RBM6: variants seen among roughly 807,000 people sequenced by gnomAD.
RBM6 encodes the protein RNA binding motif protein 6.
In RBM6, 23 loss-of-function variants were observed where a neutral mutation model predicts 140.4. The observed-to-expected ratio is 0.16, with a 90% CI of 0.12 to 0.23. RBM6 has a LOEUF of 0.23. Among genes scored for constraint, RBM6 ranks in the 10% least tolerant of loss-of-function variants. RBM6 has a pLI of 1.00. For missense variants in RBM6, 1,139 were observed against 1,386.7 expected, an observed-to-expected ratio of 0.82 and a Z score of 2.84; for synonymous variants, 439 against 475.6, an observed-to-expected ratio of 0.92 and a Z score of 1.00.
chr3:50,025,396 C>G (rs968680376), intron 6 of RBM6, among the ~76,000 whole-genome samples: 1 of 151,560 alleles, frequency 6.6e-6, no homozygotes, highest in African/African-American at 2.4e-5. Flanking sequence ...GCACTCCAGC[C>G]TGGGTGACAG....
At chr3:49,998,317 T>C (rs1404834918) in intron 5 of RBM6, among the ~76,000 whole-genome samples, 1 of 152,218 alleles carries the variant, frequency 6.6e-6, no homozygotes, top group Admixed American at 6.5e-5. Context: ...TACTTTGTGG[T>C]CAAAATTATC....
At chr3:50,072,939 T>C (rs1290537172) in intron 19 of RBM6, among the ~76,000 whole-genome samples, 1 of 152,174 alleles carries the variant, frequency 6.6e-6, no homozygotes. Flanking sequence ...CCTTTTCTGC[T>C]CCTCTTCCTT....
At chr3:50,046,925 G>A (rs949351990) in intron 6 of RBM6, among the ~76,000 whole-genome samples, 14 of 152,190 alleles carry the variant, frequency 9.2e-5, no homozygotes, top group African/African-American at 3.1e-4. Flanking sequence ...TTATTTCATC[G>A]GATCATTTAG....
At chr3:49,992,382 A>G (rs963484911) in intron 5 of RBM6, among the ~76,000 whole-genome samples, 5 of 152,248 alleles carry the variant, frequency 3.3e-5, no homozygotes, top group Admixed American at 3.3e-4. Context: ...CTATGGAGGC[A>G]GCAGATATGT....
At chr3:49,999,609 A>G in intron 6 of RBM6, 96 bp downstream of exon 6, 1 of 1,069,904 alleles carries the variant, frequency 9.3e-7, no homozygotes, top group Non-Finnish European at 1.5e-6. Flanking sequence ...GAAAGGTACA[A>G]GAAGTCTATC....
At position 49,968,116 on chromosome 3, in the gene RBM6, A is replaced by G. The variant is rs764950182; in HGVS notation, c.691A>G (p.Thr231Ala). Residue 231 changes from threonine (T) to alanine (A), a missense_variant, in exon 3 of 21, where the codon ACA (threonine) becomes GCA (alanine). Thr to Ala is a moderately conservative substitution (Grantham distance 58, BLOSUM62 0). This residue lies in a region of RBM6 where 566 missense variants were observed against 612.7 expected (regional missense o/e 0.92). Transcript: ENST00000266022. Reference protein sequence around the residue: ...SDLDFRDKDGTQVDFRGRGSG... With the variant: ...SDLDFRDKDGAQVDFRGRGSG... ...TTTGGACTTTAGAGACAAAGACGGA[A>G]CACAAGTAGACTTTAGAGGCCGAGG... The G allele has an allele frequency of 6.2e-7, 1 of 1,614,178 alleles. No homozygotes were observed. The highest frequency in any genetic ancestry group is 8.5e-7 in the Non-Finnish European group (1 of 1,180,036).
At chr3:50,064,616 GTTC>G (rs1287544639) in intron 15 of RBM6, among the ~76,000 whole-genome samples, 4 of 151,878 alleles carry the variant, frequency 2.6e-5, no homozygotes, top group Admixed American at 2.6e-4. Context: ...GGTTCCAGCA[GTTC>G]TTCTACCTCA....
intron 20 of RBM6, 104 bp from the exon 21 acceptor site, chr3:50,076,904 C>A (rs1358184966): frequency 8.4e-7 from 1 of 1,190,070 alleles, no homozygotes; most frequent in Non-Finnish European, 1.1e-6. Flanking sequence ...AAAAATTATC[C>A]TATATACTGC....
chr3:49,989,555 A>G (rs2085721421), intron 5 of RBM6, among the ~76,000 whole-genome samples: 2 of 152,202 alleles, frequency 1.3e-5, no homozygotes, highest in South Asian at 2.1e-4. Context: ...TGGGGCCACA[A>G]GAGTGAAACT....
intron 6 of RBM6, among the ~76,000 whole-genome samples, chr3:50,014,409 G>A (rs1409660211): frequency 6.6e-6 from 1 of 152,192 alleles, no homozygotes; most frequent in Non-Finnish European, 1.5e-5. Context: ...GAATGAGGGA[G>A]TAGTCAGAAG....
At chr3:49,992,291 G>A (rs2085863936) in intron 5 of RBM6, among the ~76,000 whole-genome samples, 2 of 152,044 alleles carry the variant, frequency 1.3e-5, no homozygotes, top group Admixed American at 1.3e-4. Context: ...CCCTTTATTT[G>A]CACCAGGGCT....
chr3:50,031,246 G>T (rs1448418222), intron 6 of RBM6, among the ~76,000 whole-genome samples: 4 of 152,132 alleles, frequency 2.6e-5, no homozygotes, highest in African/African-American at 9.7e-5. Context: ...ATACCCAAAG[G>T]ATTATAAATC....
At position 49,967,298 on chromosome 3, in the gene RBM6, G is replaced by A. The variant is rs1269880462; in HGVS notation, c.45-172G>A. ...GCATAAAAGTTTACTCCGCCACTTC[G>A]TCTTAAAATAGCAAAACTTTGCTGT... On this transcript the variant is annotated intron_variant, in intron 2 of 20. Transcript: ENST00000266022. The surrounding 1 kb of genome is among the most constrained non-coding windows in gnomAD (Gnocchi z 4.0). 19 of 1,396,932 alleles carry A rather than the reference G, an allele frequency of 1.4e-5. No homozygotes were observed. Among genetic ancestry groups the A allele is most frequent in the East Asian group, 2.5e-5 (1 of 39,398 alleles). 86.5% of individuals were successfully genotyped at this position (1,396,932 alleles called of 1,614,324 possible).
At position 50,066,245 on chromosome 3, in the gene RBM6, A is replaced by G. The variant is rs772996344; in HGVS notation, c.2686A>G (p.Lys896Glu). 2 of 1,611,042 alleles carry G rather than the reference A, an allele frequency of 1.2e-6. No homozygotes were observed. The highest frequency in any genetic ancestry group is 2.2e-5 in the East Asian group (1 of 44,816). ...ATCCCTGGCCTTCTCCTTCCAGCCT[A>G]AAGTGGTAAACCCACTGATCGGCCT... ...VKKEESPPPP[K>E]VVNPLIGLLG... Residue 896 changes from lysine to glutamate, a missense_variant, in exon 17 of 21, where the codon AAA becomes GAA. This residue lies in a region of RBM6 where 163 missense variants were observed against 182.8 expected (regional missense o/e 0.89). Coordinates refer to ENST00000266022, the MANE Select transcript of RBM6 (RefSeq NM_005777.3).
At chr3:50,067,877 G>T (rs922169794) in intron 17 of RBM6, among the ~76,000 whole-genome samples, 3 of 152,122 alleles carry the variant, frequency 2.0e-5, no homozygotes, top group African/African-American at 7.2e-5. Context: ...TTGGTAATAG[G>T]TACACTACTT....
intron 19 of RBM6, among the ~76,000 whole-genome samples, chr3:50,070,837 C>T (rs1430760721): frequency 3.3e-5 from 5 of 152,310 alleles, no homozygotes; most frequent in East Asian, 3.9e-4. Context: ...ACCCTCTTTA[C>T]GGGCCTGATA....
chr3:50,038,833 C>CA (rs985050564), intron 6 of RBM6, among the ~76,000 whole-genome samples: 2 of 151,894 alleles, frequency 1.3e-5, no homozygotes, highest in Admixed American at 6.6e-5. Flanking sequence ...ACTCCGTCCC[C>CA]AAAAAAAGAA....
intron 6 of RBM6, among the ~76,000 whole-genome samples, chr3:50,016,345 T>C (rs1056030200): frequency 1.5e-4 from 23 of 152,288 alleles, no homozygotes; most frequent in Non-Finnish European, 2.8e-4. Flanking sequence ...CATTCATTCA[T>C]TGATGGGCAA....
chr3:49,981,852 A>G (rs1480507939), intron 5 of RBM6, among the ~76,000 whole-genome samples: 2 of 152,228 alleles, frequency 1.3e-5, no homozygotes, highest in Non-Finnish European at 2.9e-5. Context: ...TTGTTTGCAT[A>G]CTACGTAGTA....
Sources: gnomAD v4.1 joint callset for allele counts (sites outside exome capture counted in the v4.1 genomes callset) on GRCh38, gnomAD v4.1.1 for gene constraint, gnomAD v4.1.1 regional missense constraint, Gnocchi (gnomAD v3.1) non-coding constraint, MANE v1.5 for transcripts, NCBI Gene and HGNC (gene_info 2026-07-23, HGNC 2026-07-21) for gene names.